The following RNF2 variants were observed in gnomAD, a reference collection of about 807,000 sequenced individuals.
RNF2 encodes the protein E3 ubiquitin-protein ligase RING2.
Under a neutral mutation model 37.2 loss-of-function variants are expected in RNF2, and 6 were observed. The ratio of observed to expected loss-of-function variants is 0.16; its 90% CI spans 0.09 to 0.32. RNF2 has a LOEUF of 0.32. Among genes scored for constraint, RNF2 ranks in the 10% least tolerant of loss-of-function variants. The probability of loss-of-function intolerance (pLI) is 1.00; values close to 1 mark genes in which losing one functional copy is unlikely to be tolerated. For synonymous variants in RNF2, 133 were observed against 132.7 expected (o/e 1.00, Z -0.02); for missense variants, 251 against 404.0 (o/e 0.62, Z 3.25).
Position 185,098,230 on chromosome 1 carries a change from A to T in RNF2, c.623A>T (p.Asp208Val). The change falls in exon 5 of 7, where the codon GAT becomes GTT. Residue 208 changes from aspartate (D) to valine (V), a missense_variant. Asp to Val is a radical substitution (Grantham distance 152). This residue lies in a region of RNF2 where 94 missense variants were observed against 99.2 expected (regional missense o/e 0.95). Coordinates refer to ENST00000367510, the MANE Select transcript of RNF2 (RefSeq NM_007212.4). Reference sequence around the variant, plus strand: ...TCTGATGATTCTGGGCTAGAGCTTGATAATAACAATGCAGCAATGGCAATT... The same window carrying T: ...TCTGATGATTCTGGGCTAGAGCTTGTTAATAACAATGCAGCAATGGCAATT... ...KTSDDSGLEL[D>V]NNNAAMAIDP... is the part of the protein sequence containing the mutation. The T allele has an allele frequency of 6.2e-7, 1 of 1,614,226 alleles. No individual in the cohort carries two copies. The highest frequency in any genetic ancestry group is 8.5e-7 in the Non-Finnish European group (1 of 1,180,026).
rs118022317 is a variant in RNF2 at position 185,084,231 on chromosome 1, T to C, written c.-2-3321T>C. ...CCAGTCTTTAAGTCTTCTAGCTATC[T>C]GTTGGCTTTAATTGTTAGCTCAGCC... On this transcript the variant is annotated intron_variant, in intron 1 of 6. Coordinates refer to ENST00000367510, the MANE Select transcript of RNF2 (RefSeq NM_007212.4). Among the ~76,000 whole-genome samples the C allele has an allele frequency of 5.5e-3, 835 of 152,330 alleles. 32 individuals carry two copies. In the East Asian group the frequency reaches 0.085, roughly 15 times the overall value.
intron 1 of RNF2, among the ~76,000 whole-genome samples, chr1:185,054,370 G>C (rs1448968336): frequency 6.6e-6 from 1 of 152,200 alleles, no homozygotes; most frequent in Non-Finnish European, 1.5e-5. Context: ...TTTGGCATCA[G>C]AAGCGACTCC....
intron 1 of RNF2, among the ~76,000 whole-genome samples, chr1:185,047,303 A>G (rs1438777159): frequency 6.6e-6 from 1 of 152,246 alleles, no homozygotes; most frequent in Non-Finnish European, 1.5e-5. Context: ...TGTTGCATAG[A>G]AAAATTTCCA....
At chr1:185,063,152 G>A (rs759343093) in intron 1 of RNF2, among the ~76,000 whole-genome samples, 4 of 152,200 alleles carry the variant, frequency 2.6e-5, no homozygotes, top group Non-Finnish European at 5.9e-5. Context: ...TGAATTCTGA[G>A]CAATGTCTTT....
intron 1 of RNF2, among the ~76,000 whole-genome samples, chr1:185,063,318 T>C (rs528826190): frequency 2.3e-4 from 35 of 152,330 alleles, no homozygotes; most frequent in African/African-American, 8.2e-4. Flanking sequence ...GGGGTAAAGA[T>C]ACTGATTCAG....
chr1:185,065,536 G>T lies in RNF2; in HGVS notation c.-3+19887G>T, dbSNP rs575114139. On this transcript the variant is annotated intron_variant, in intron 1 of 6. Coordinates refer to ENST00000367510, the MANE Select transcript of RNF2 (RefSeq NM_007212.4). ...GCAGCTTCATTCCTGAAGTCAGCCA[G>T]ACCATGAACCCACCAGGAGGGCCAA... Among the ~76,000 whole-genome samples the T allele has an allele frequency of 2.6e-5, 4 of 152,254 alleles. No homozygotes were observed. In the South Asian group the frequency reaches 8.3e-4, roughly 32 times the overall value.
intron 2 of RNF2, among the ~76,000 whole-genome samples, chr1:185,088,320 A>T (rs1651661205): frequency 6.6e-6 from 1 of 152,086 alleles, no homozygotes; most frequent in Admixed American, 6.6e-5. Flanking sequence ...GGAAGGAAAA[A>T]CAGGAGATTG....
chr1:185,078,743 C>T (rs1227159270), intron 1 of RNF2, among the ~76,000 whole-genome samples: 3 of 151,930 alleles, frequency 2.0e-5, no homozygotes, highest in African/African-American at 7.3e-5. Flanking sequence ...AACCCCATCT[C>T]TACTAAAAAT....
At chr1:185,058,541 A>G (rs983017296) in intron 1 of RNF2, among the ~76,000 whole-genome samples, 4 of 152,224 alleles carry the variant, frequency 2.6e-5, no homozygotes, top group African/African-American at 9.6e-5. Context: ...AAAGTATTTG[A>G]AACAGTATCT....
intron 4 of RNF2, among the ~76,000 whole-genome samples, chr1:185,093,782 TC>T (rs1651835852): frequency 6.6e-6 from 1 of 152,216 alleles, no homozygotes; most frequent in African/African-American, 2.4e-5. Flanking sequence ...CATTAACTGT[TC>T]CTTTACTTGT....
At chr1:185,076,268 G>GGTTTTTT (rs1553240995) in intron 1 of RNF2, among the ~76,000 whole-genome samples, 1 of 27,334 alleles carries the variant, frequency 3.7e-5, no homozygotes, top group Non-Finnish European at 7.6e-5. Flanking sequence ...TTTATGGGTT[G>GGTTTTTT]TTTTTTTTTT....
rs138661471 is a variant in RNF2, at chr1:185,087,180, A to G, written c.-2-372A>G. On this transcript the variant is annotated intron_variant, in intron 1 of 6. Transcript: ENST00000367510. ...CCTATCTTAATCCATTTAGCCTGCTATAAAAAATACTTTAGGCTGGGTAAT... is the reference window on the plus strand; with the variant it reads ...CCTATCTTAATCCATTTAGCCTGCTGTAAAAAATACTTTAGGCTGGGTAAT... Among the ~76,000 whole-genome samples, 913 of 152,326 alleles carry G rather than the reference A, an allele frequency of 6.0e-3. 14 individuals carry two copies. The highest frequency in any genetic ancestry group is 0.02 in the African/African-American group (847 of 41,570).
intron 1 of RNF2, among the ~76,000 whole-genome samples, chr1:185,048,671 C>A (rs1034656117): frequency 6.6e-6 from 1 of 151,980 alleles, no homozygotes; most frequent in African/African-American, 2.4e-5. Flanking sequence ...GGCTCTTCTG[C>A]AAGGGGGATT....
chr1:185,048,111 C>T (rs1482238272), intron 1 of RNF2, among the ~76,000 whole-genome samples: 3 of 152,038 alleles, frequency 2.0e-5, no homozygotes, highest in Admixed American at 1.3e-4. Flanking sequence ...TTGGGGGAAG[C>T]GCAGTTTGAT....
intron 1 of RNF2, among the ~76,000 whole-genome samples, chr1:185,074,985 G>C (rs976983033): frequency 6.0e-5 from 9 of 151,090 alleles, no homozygotes; most frequent in African/African-American, 2.2e-4. Flanking sequence ...ATAGTTCCGT[G>C]TGTGTGTGTG....
intron 1 of RNF2, among the ~76,000 whole-genome samples, chr1:185,054,160 TTTACTCTAA>T (rs1650358596): frequency 6.6e-6 from 1 of 152,148 alleles, no homozygotes; most frequent in African/African-American, 2.4e-5. Context: ...AATGCCAAGT[TTTACTCTAA>T]TTATCCACTC....
At chr1:185,083,752 T>G (rs576821449) in intron 1 of RNF2, among the ~76,000 whole-genome samples, 1 of 149,060 alleles carries the variant, frequency 6.7e-6, no homozygotes, top group Non-Finnish European at 1.5e-5. Context: ...ACTCCAGGTG[T>G]GTGCCACCAC....
intron 6 of RNF2, 37 bp from the exon 7 acceptor site, chr1:185,100,163 G>A (rs757159340): frequency 6.8e-7 from 1 of 1,466,560 alleles, no homozygotes; most frequent in South Asian, 1.2e-5. Flanking sequence ...TGTGGTTTGT[G>A]CAGTTTTCAT....
chr1:185,049,674 A>C (rs1184642463), intron 1 of RNF2, among the ~76,000 whole-genome samples: 1 of 151,720 alleles, frequency 6.6e-6, no homozygotes, highest in Non-Finnish European at 1.5e-5. Flanking sequence ...TGAGTGTAAA[A>C]AAAAAAAAGC....
Sources: allele counts gnomAD v4.1 joint callset (sites outside exome capture counted in the v4.1 genomes callset), GRCh38; gene constraint gnomAD v4.1.1; regional missense constraint gnomAD v4.1.1; transcripts MANE v1.5; gene names NCBI Gene and HGNC (gene_info 2026-07-23, HGNC 2026-07-21).